FRAS1: variants seen among roughly 807,000 people sequenced by gnomAD.
FRAS1 encodes extracellular matrix organizing protein FRAS1.
Under a neutral mutation model 435.2 loss-of-function variants are expected in FRAS1, and 290 were observed. The observed-to-expected ratio is 0.67, with a 90% CI of 0.61 to 0.73. The LOEUF is 0.73. FRAS1 is among the 30% of genes least tolerant of loss of function. FRAS1 has a pLI of 0.00. For missense variants in FRAS1, 4,860 were observed against 5,001.5 expected, an observed-to-expected ratio of 0.97 and a Z score of 0.85; for synonymous variants, 1,800 against 1,851.0, an observed-to-expected ratio of 0.97 and a Z score of 0.71.
At chr4:78,249,064 C>CATATATATATATATATATGCAT (rs60505131) in intron 4 of FRAS1, among the ~76,000 whole-genome samples, 1,612 of 16,744 alleles carry the variant, frequency 0.096, 259 homozygotes, top group Non-Finnish European at 0.25. Context: ...TATATATATG[C>CATATATATATATATATATGCAT]ATATATATAT....
At position 78,286,426 on chromosome 4, in the gene FRAS1, C is replaced by A. The variant is rs748242409; in HGVS notation, c.1421C>A (p.Thr474Lys). Residue 474 changes from threonine to lysine, a missense_variant, in exon 14 of 74, where the codon ACG becomes AAG. By Grantham distance (78) the Thr-to-Lys change is moderately conservative. Coordinates refer to ENST00000512123, the MANE Select transcript of FRAS1 (RefSeq NM_025074.7). ...TCAGCCTGCCAGCCCCAGTGCTCCA[C>A]GTGTACCAGTGGGCTGGAGTGCTCA... is the stretch of plus-strand genomic sequence containing the variant. ...LCLACQPQCS[T>K]CTSGLECSSC... The A allele has an allele frequency of 1.2e-6, 2 of 1,613,590 alleles. No homozygotes were observed. Among genetic ancestry groups the A allele is most frequent in the Non-Finnish European group, 1.7e-6 (2 of 1,179,860 alleles).
chr4:78,286,174 C>G, intron 13 of FRAS1: 1 of 651,126 alleles, frequency 1.5e-6, no homozygotes, highest in Non-Finnish European at 2.8e-6. Context: ...TAATATCTAC[C>G]TCCTAGGGTG....
At chr4:78,408,231 AC>A (rs1173169001) in intron 31 of FRAS1, among the ~76,000 whole-genome samples, 1 of 151,616 alleles carries the variant, frequency 6.6e-6, no homozygotes, top group African/African-American at 2.4e-5. Context: ...GTTGTCTCCC[AC>A]CGGGTCCCTC....
chr4:78,391,711 C>T (rs1002084175), intron 29 of FRAS1, among the ~76,000 whole-genome samples: 6 of 152,158 alleles, frequency 3.9e-5, no homozygotes, highest in Non-Finnish European at 8.8e-5. Flanking sequence ...CCCCAAGTGT[C>T]ATGCTAGGAA....
Position 78,515,925 on chromosome 4 carries a change from TG to T in FRAS1, c.10302del (p.Lys3435ArgfsTer13). 1 of 1,614,008 alleles carries T rather than the reference TG, an allele frequency of 6.2e-7. No homozygotes were observed. The highest frequency in any genetic ancestry group is 8.5e-7 in the Non-Finnish European group (1 of 1,179,876). ...ATCCAGCTCTACAAACACCTGAACC[TG>T]AAGAGCTGCGTGTGGACCTTTGATG... Reference protein sequence around the residue: ...KTIQLYKHLNLKSCVWTFDAY... With the variant: ...KTIQLYKHLNXKSCVWTFDAY... On this transcript the variant is annotated frameshift_variant, in exon 66 of 74. Transcript: ENST00000512123. LOFTEE classifies it high-confidence loss of function.
chr4:78,149,670 G>T (rs957002512), intron 2 of FRAS1, among the ~76,000 whole-genome samples: 7 of 152,144 alleles, frequency 4.6e-5, no homozygotes, highest in African/African-American at 1.7e-4. Flanking sequence ...ACGGCTAAGT[G>T]GGATTCCATC....
chr4:78,260,582 A>G (rs1172967871), intron 6 of FRAS1, among the ~76,000 whole-genome samples: 1 of 151,856 alleles, frequency 6.6e-6, no homozygotes, highest in Non-Finnish European at 1.5e-5. Context: ...GAAGTTGCTT[A>G]TCAGCTTAAG....
chr4:78,386,024 A>G (rs1212239804), intron 28 of FRAS1, among the ~76,000 whole-genome samples: 1 of 152,116 alleles, frequency 6.6e-6, no homozygotes, highest in Non-Finnish European at 1.5e-5. Flanking sequence ...TGTTTGAGCT[A>G]ATAAAGTTAC....
chr4:78,412,495 T>C (rs1733381344), intron 31 of FRAS1, among the ~76,000 whole-genome samples: 1 of 152,206 alleles, frequency 6.6e-6, no homozygotes, highest in Non-Finnish European at 1.5e-5. Context: ...CACTTACCTG[T>C]GCTGGTTAAA....
At chr4:78,251,532 C>T (rs1285549247) in intron 4 of FRAS1, among the ~76,000 whole-genome samples, 1 of 152,144 alleles carries the variant, frequency 6.6e-6, no homozygotes, top group Non-Finnish European at 1.5e-5. Flanking sequence ...AGAACTTGTT[C>T]ATCTTATAGC....
chr4:78,259,463 G>A (rs373050046), intron 6 of FRAS1, among the ~76,000 whole-genome samples: 49 of 150,660 alleles, frequency 3.3e-4, no homozygotes, highest in East Asian at 9.8e-4. Context: ...GCCAGTGATG[G>A]TGAGCATTTT....
At chr4:78,438,492 C>T (rs374863020) in intron 38 of FRAS1, 78 bp from the exon 39 acceptor site, 5 of 1,397,246 alleles carry the variant, frequency 3.6e-6, no homozygotes, top group East Asian at 2.3e-5. Flanking sequence ...GAGAGAAGCA[C>T]CCATAGATCT....
chr4:78,294,102 CT>C (rs1728033149), intron 14 of FRAS1, among the ~76,000 whole-genome samples: 1 of 152,202 alleles, frequency 6.6e-6, no homozygotes, highest in Non-Finnish European at 1.5e-5. Flanking sequence ...GGCATACGTT[CT>C]TTCTCTTCTC....
chr4:78,315,568 C>T, intron 15 of FRAS1, 26 bp from the exon 16 acceptor site: 1 of 1,595,102 alleles, frequency 6.3e-7, no homozygotes, highest in Non-Finnish European at 8.6e-7. Flanking sequence ...TTGCCTTTCT[C>T]TGATGGGTTT....
intron 56 of FRAS1, among the ~76,000 whole-genome samples, chr4:78,481,491 G>A (rs1720010331): frequency 6.6e-6 from 1 of 152,160 alleles, no homozygotes; most frequent in South Asian, 2.1e-4. Context: ...CTCCTTAAGT[G>A]CATTGTTCTC....
intron 2 of FRAS1, among the ~76,000 whole-genome samples, chr4:78,097,154 A>C (rs1741853898): frequency 6.6e-6 from 1 of 152,188 alleles, no homozygotes; most frequent in African/African-American, 2.4e-5. Context: ...CTTTGGTAAA[A>C]CATAACAAGA....
chr4:78,390,898 C>G (rs1732418348), intron 29 of FRAS1, among the ~76,000 whole-genome samples: 1 of 152,192 alleles, frequency 6.6e-6, no homozygotes, highest in South Asian at 2.1e-4. Flanking sequence ...ACGAATTACT[C>G]CTGATATTCA....
intron 14 of FRAS1, among the ~76,000 whole-genome samples, chr4:78,304,232 T>C (rs1263052008): frequency 6.6e-6 from 1 of 152,140 alleles, no homozygotes; most frequent in African/African-American, 2.4e-5. Flanking sequence ...GATAACCTTT[T>C]TGATGTGCTG....
At chr4:78,478,732 T>G (rs998730749) in intron 55 of FRAS1, among the ~76,000 whole-genome samples, 7 of 152,200 alleles carry the variant, frequency 4.6e-5, no homozygotes, top group African/African-American at 1.4e-4. Flanking sequence ...GTTTCTTTCT[T>G]GAATCTGCTG....
Sources: allele counts gnomAD v4.1 joint callset (sites outside exome capture counted in the v4.1 genomes callset), GRCh38; gene constraint gnomAD v4.1.1; transcripts MANE v1.5; gene names NCBI Gene and HGNC (gene_info 2026-07-23, HGNC 2026-07-21).